GUCA1A: variants seen among roughly 807,000 people sequenced by gnomAD.
The protein encoded by GUCA1A is guanylate cyclase activator 1A.
Under a neutral mutation model 18.5 loss-of-function variants are expected in GUCA1A, and 14 were observed. The ratio of observed to expected loss-of-function variants is 0.76; its 90% CI spans 0.50 to 1.18. GUCA1A has a LOEUF of 1.18. Ranked by LOEUF, GUCA1A falls within the 50% of genes most tolerant of loss-of-function variation. The probability of loss-of-function intolerance (pLI) is 0.00; values close to 1 mark genes in which losing one functional copy is unlikely to be tolerated. For synonymous variants in GUCA1A, 97 were observed against 100.2 expected (o/e 0.97, Z 0.19); for missense variants, 264 against 262.4 (o/e 1.01, Z -0.04).
chr6:42,175,400 G>A (rs1218207274), intron 1 of GUCA1A, among the ~76,000 whole-genome samples: 15 of 119,246 alleles, frequency 1.3e-4, no homozygotes, highest in East Asian at 5.6e-4. Flanking sequence ...TCGCTCTGTC[G>A]CCCAGACTGG....
intron 3 of GUCA1A, 100 bp from the exon 4 acceptor site, chr6:42,179,143 C>A: frequency 8.9e-7 from 1 of 1,120,090 alleles, no homozygotes; most frequent in Non-Finnish European, 1.4e-6. Context: ...CTTCTCCTCA[C>A]GTGGGCTCTG....
At chr6:42,176,762 C>G (rs1359714559) in intron 1 of GUCA1A, among the ~76,000 whole-genome samples, 1 of 152,128 alleles carries the variant, frequency 6.6e-6, no homozygotes, top group Non-Finnish European at 1.5e-5. Context: ...AGGAGTTAAA[C>G]AGGGACAGGC....
rs76792280 is a variant in GUCA1A, at chr6:42,179,479, C to A, written c.*76C>A. ...CCTGTTGGTGGTGTTCTTGTCTTAA[C>A]CCTAGATAGAATCTAATGAACTCAG... is the stretch of plus-strand genomic sequence containing the variant. On this transcript the variant is annotated 3_prime_UTR_variant, in exon 4 of 4. Transcript: ENST00000372958. 2,775 of 1,240,662 alleles carry A rather than the reference C, an allele frequency of 2.2e-3. 51 individuals carry two copies. The African/African-American group carries it at 0.037, about 17-fold the overall frequency. The allele number at this position is 1,240,662 out of a possible 1,614,324, so 76.9% of individuals were successfully genotyped here. A position where few individuals can be genotyped will look rare whatever the true frequency, so the allele number is the denominator to read the frequency against.
At chr6:42,179,209 C>G (rs1344041178) in intron 3 of GUCA1A, 34 bp from the exon 4 acceptor site, 2 of 1,599,966 alleles carry the variant, frequency 1.3e-6, no homozygotes, top group Non-Finnish European at 1.7e-6. Context: ...AATGAACACC[C>G]TCCTCCCCCT....
intron 1 of GUCA1A, among the ~76,000 whole-genome samples, chr6:42,175,035 G>A (rs762021207): frequency 6.6e-5 from 10 of 152,204 alleles, no homozygotes; most frequent in Non-Finnish European, 1.2e-4. Context: ...GAGCCCAAGG[G>A]CTTTCCCGAA....
At chr6:42,178,099 CAGAT>C (rs887945462) in intron 1 of GUCA1A, among the ~76,000 whole-genome samples, 177 bp from the exon 2 acceptor site, 1 of 152,252 alleles carries the variant, frequency 6.6e-6, no homozygotes, top group Non-Finnish European at 1.5e-5. Context: ...TCTAGGAAGA[CAGAT>C]AGGTCACGGC....
At chr6:42,179,013 G>A (rs987542212) in intron 3 of GUCA1A, 118 bp downstream of exon 3, 22 of 945,084 alleles carry the variant, frequency 2.3e-5, no homozygotes, top group Non-Finnish European at 3.4e-5. Flanking sequence ...AAAGGCCCCC[G>A]TGCTGGTCAC....
At position 42,179,433 on chromosome 6, in the gene GUCA1A, G is replaced by C. The variant is rs200718990; in HGVS notation, c.*30G>C. 1 of 1,530,970 alleles carries C rather than the reference G, an allele frequency of 6.5e-7. No individual in the cohort carries two copies. The highest frequency in any genetic ancestry group is 8.8e-7 in the Non-Finnish European group (1 of 1,132,778). 94.8% of individuals were successfully genotyped at this position (1,530,970 alleles called of 1,614,324 possible). On this transcript the variant is annotated 3_prime_UTR_variant, in exon 4 of 4. Coordinates refer to ENST00000372958, the MANE Select transcript of GUCA1A (RefSeq NM_001384910.1). ...ACCGCCCGGCTGCTTCTGCACTAGC[G>C]GGTGGGGTGGTATGGTGGTGCCTGT...
chr6:42,178,551 C>A, intron 2 of GUCA1A, 122 bp downstream of exon 2: 1 of 1,006,606 alleles, frequency 9.9e-7, no homozygotes, highest in East Asian at 2.4e-5. Context: ...ATCCTGGTGG[C>A]AGCTGTAGGC....
intron 3 of GUCA1A, 76 bp from the exon 4 acceptor site, chr6:42,179,167 C>A: frequency 1.4e-6 from 2 of 1,402,952 alleles, no homozygotes; most frequent in Non-Finnish European, 2.0e-6. Context: ...CTGCCCCTGG[C>A]AAGAACCCGG....
intron 1 of GUCA1A, among the ~76,000 whole-genome samples, chr6:42,175,389 C>T (rs1246806020): frequency 3.5e-5 from 4 of 114,386 alleles, no homozygotes; most frequent in Non-Finnish European, 5.0e-5. Flanking sequence ...GAGATGGAGT[C>T]TCGCTCTGTC....
At chr6:42,173,862 TCTGGAAGCCTGAC>T (rs773658220) in intron 1 of GUCA1A, 48 bp downstream of exon 1, 2 of 1,424,194 alleles carry the variant, frequency 1.4e-6, no homozygotes, top group Admixed American at 3.3e-5. Context: ...GAGGGACCCC[TCTGGAAGCCTGAC>T]CAGCTGGGGG....
chr6:42,173,898 G>C (rs1767883650), intron 1 of GUCA1A, 84 bp downstream of exon 1: 1 of 1,010,670 alleles, frequency 9.9e-7, no homozygotes, highest in Admixed American at 1.7e-5. Flanking sequence ...AGGAAGAGCA[G>C]AGAGGAGCAT....
In GUCA1A at chr6:42,178,911, AG is replaced by A. The variant is rs1479505175; in HGVS notation, c.445+20del. ...AACGGGGATGGTGAGGGGGCCGAGG[AG>A]GGGCTCCCCAGCGGAGGGGTCACCA... On this transcript the variant is annotated intron_variant, in intron 3 of 3. Transcript: ENST00000372958. 6.3e-7 allele frequency: 1 copy of A among 1,581,512 alleles called. No individual in the cohort carries two copies. Among genetic ancestry groups the A allele is most frequent in the Non-Finnish European group, 8.7e-7 (1 of 1,150,218 alleles).
chr6:42,173,786 A>G lies in GUCA1A; in HGVS notation c.173A>G (p.Gln58Arg), dbSNP rs1767878067. 1 of 1,613,906 alleles carries G rather than the reference A, an allele frequency of 6.2e-7. No homozygotes were observed. The highest frequency in any genetic ancestry group is 1.1e-5 in the South Asian group (1 of 91,086). The change falls in exon 1 of 4, where the codon CAG (glutamine) becomes CGG (arginine). Residue 58 changes from glutamine to arginine, a missense_variant. By Grantham distance (43) the Gln-to-Arg change is conservative (BLOSUM62 1). Transcript: ENST00000372958. The part of the protein sequence containing the change: ...LSPSASQYVE[Q>R]MFETFDFNKD... The stretch of plus-strand genomic sequence containing the variant: ...CCGTCGGCCAGCCAGTACGTGGAAC[A>G]GATGTTTGAGACTTTTGACTTCAAC...
intron 1 of GUCA1A, among the ~76,000 whole-genome samples, chr6:42,177,549 T>TA (rs112024068): frequency 0.022 from 3,325 of 151,662 alleles, 99 homozygotes; most frequent in African/African-American, 0.074. Context: ...TTTTTAGACA[T>TA]TAAAAAAAAA....
chr6:42,179,428 C>T lies in GUCA1A; in HGVS notation c.*25C>T. On this transcript the variant is annotated 3_prime_UTR_variant, in exon 4 of 4. Transcript: ENST00000372958. ...AGTGCACCGCCCGGCTGCTTCTGCA[C>T]TAGCGGGTGGGGTGGTATGGTGGTG... The T allele has an allele frequency of 6.5e-7, 1 of 1,544,742 alleles. No individual in the cohort carries two copies. Among genetic ancestry groups the T allele is most frequent in the Non-Finnish European group, 8.8e-7 (1 of 1,140,992 alleles).
intron 1 of GUCA1A, 52 bp from the exon 2 acceptor site, chr6:42,178,228 C>T: frequency 6.2e-7 from 1 of 1,606,356 alleles, no homozygotes; most frequent in Non-Finnish European, 8.5e-7. Context: ...GGGCCTGAGG[C>T]TGGAGTGAGC....
chr6:42,173,687 T>C lies in GUCA1A; in HGVS notation c.74T>C (p.Phe25Ser), dbSNP rs1767872040. Residue 25 changes from phenylalanine to serine, a missense_variant, in exon 1 of 4, where the codon TTC becomes TCC. By Grantham distance (155) the Phe-to-Ser change is radical (BLOSUM62 -2). Coordinates refer to ENST00000372958, the MANE Select transcript of GUCA1A (RefSeq NM_001384910.1). The part of the protein sequence containing the change: ...STECHQWYKK[F>S]MTECPSGQLT... ...GAGTGCCACCAGTGGTACAAGAAGTTCATGACTGAGTGCCCCTCTGGCCAA... is the reference window on the plus strand; with the variant it reads ...GAGTGCCACCAGTGGTACAAGAAGTCCATGACTGAGTGCCCCTCTGGCCAA... 6.2e-7 allele frequency: 1 copy of C among 1,614,012 alleles called. No individual in the cohort carries two copies. Among genetic ancestry groups the C allele is most frequent in the East Asian group, 2.2e-5 (1 of 44,886 alleles).
Sources: gnomAD v4.1 joint callset for allele counts (sites outside exome capture counted in the v4.1 genomes callset) on GRCh38, gnomAD v4.1.1 for gene constraint, MANE v1.5 for transcripts, NCBI Gene and HGNC (gene_info 2026-07-23, HGNC 2026-07-21) for gene names.